Variants in MITF observed in about 807,000 individuals in gnomAD.
The protein encoded by MITF is melanocyte inducing transcription factor.
Under a neutral mutation model 60.5 loss-of-function variants are expected in MITF, and 17 were observed. The ratio of observed to expected loss-of-function variants is 0.28; its 90% CI spans 0.19 to 0.42. The LOEUF is 0.42. Ranked by LOEUF, MITF falls within the 10% of genes least tolerant of loss-of-function variation. MITF has a pLI of 1.00. For synonymous variants in MITF, 260 were observed against 248.5 expected, an observed-to-expected ratio of 1.05 and a Z score of -0.43; for missense variants, 622 against 683.5, an observed-to-expected ratio of 0.91 and a Z score of 1.00.
At chr3:69,789,059 A>G (rs2062697819) in intron 1 of MITF, among the ~76,000 whole-genome samples, 1 of 152,198 alleles carries the variant, frequency 6.6e-6, no homozygotes, top group Admixed American at 6.5e-5. Flanking sequence ...ATGTAACACC[A>G]AAAGCACAGG....
At chr3:69,751,316 G>A (rs1289944848) in intron 1 of MITF, among the ~76,000 whole-genome samples, 4 of 152,208 alleles carry the variant, frequency 2.6e-5, no homozygotes. Context: ...TGGAATGGAT[G>A]TGACCAGCCA....
At chr3:69,839,436 G>T (rs758491130) in intron 1 of MITF, among the ~76,000 whole-genome samples, 1 of 142,656 alleles carries the variant, frequency 7.0e-6, no homozygotes, top group Non-Finnish European at 1.5e-5. Flanking sequence ...TTTTCATTTT[G>T]TGATTACTTT....
chr3:69,938,714 A>G, intron 3 of MITF: 1 of 1,307,518 alleles, frequency 7.6e-7, no homozygotes, highest in Non-Finnish European at 9.7e-7. Flanking sequence ...AATACCTGAG[A>G]GCTGTGATTT....
chr3:69,746,136 A>G (rs1703717686), intron 1 of MITF, among the ~76,000 whole-genome samples: 1 of 152,190 alleles, frequency 6.6e-6, no homozygotes, highest in African/African-American at 2.4e-5. Context: ...TGGGATTCTC[A>G]GTCTTGGTTT....
At chr3:69,822,332 T>A (rs2063288750) in intron 1 of MITF, among the ~76,000 whole-genome samples, 1 of 152,242 alleles carries the variant, frequency 6.6e-6, no homozygotes, top group Non-Finnish European at 1.5e-5. Flanking sequence ...CAAAGCTTGC[T>A]GGCCCCTGGT....
chr3:69,783,362 T>C (rs2062597000), intron 1 of MITF, among the ~76,000 whole-genome samples: 1 of 152,154 alleles, frequency 6.6e-6, no homozygotes, highest in South Asian at 2.1e-4. Context: ...TCTTGACTGA[T>C]AGTTTTTGTT....
intron 1 of MITF, among the ~76,000 whole-genome samples, chr3:69,752,732 G>C (rs898184170): frequency 1.3e-5 from 2 of 152,160 alleles, no homozygotes; most frequent in Non-Finnish European, 2.9e-5. Context: ...CCATGTAGTA[G>C]AAAAGAAAAG....
chr3:69,807,027 G>T (rs370537265), intron 1 of MITF, among the ~76,000 whole-genome samples: 8 of 152,146 alleles, frequency 5.3e-5, no homozygotes, highest in African/African-American at 1.7e-4. Flanking sequence ...TCTTGGCTGC[G>T]TAGATTGTTC....
At chr3:69,802,524 G>C (rs2106956172) in intron 1 of MITF, among the ~76,000 whole-genome samples, 1 of 152,096 alleles carries the variant, frequency 6.6e-6, no homozygotes, top group African/African-American at 2.4e-5. Context: ...GGTGTCATGG[G>C]GTGGGTGACA....
chr3:69,885,279 C>T (rs1432781487), intron 2 of MITF, among the ~76,000 whole-genome samples: 1 of 152,094 alleles, frequency 6.6e-6, no homozygotes, highest in African/African-American at 2.4e-5. Flanking sequence ...AGAGAAGAGA[C>T]ACCTGTTTGG....
intron 2 of MITF, among the ~76,000 whole-genome samples, chr3:69,926,309 A>G (rs1218472510): frequency 6.6e-6 from 1 of 152,168 alleles, no homozygotes; most frequent in African/African-American, 2.4e-5. Flanking sequence ...TGTTATTAGG[A>G]GATGGCTGCT....
At chr3:69,776,032 TA>T (rs1032724712) in intron 1 of MITF, among the ~76,000 whole-genome samples, 6 of 152,194 alleles carry the variant, frequency 3.9e-5, no homozygotes, top group African/African-American at 1.2e-4. Context: ...CACCCTAAAT[TA>T]TATGAACTGA....
At chr3:69,898,543 A>G (rs921329281) in intron 2 of MITF, among the ~76,000 whole-genome samples, 1 of 152,210 alleles carries the variant, frequency 6.6e-6, no homozygotes, top group Non-Finnish European at 1.5e-5. Flanking sequence ...GTGAGAGAAG[A>G]TGTGATCCTT....
At position 69,959,188 on chromosome 3, in the gene MITF, A is replaced by G. The variant is rs1440978303; in HGVS notation, c.1032-85A>G. 3.3e-6 allele frequency: 5 copies of G among 1,507,828 alleles called. No homozygotes were observed. The African/African-American group carries it at 5.7e-5, about 17-fold the overall frequency. The allele number at this position is 1,507,828 out of a possible 1,614,324, so 93.4% of individuals were successfully genotyped here. A position where few individuals can be genotyped will look rare whatever the true frequency, so the allele number is the denominator to read the frequency against. On this transcript the variant is annotated intron_variant, in intron 8 of 9. Coordinates refer to ENST00000352241, the MANE Select transcript of MITF (RefSeq NM_001354604.2). ...AATAAAAAAAAATTTTAAAAAGTTC[A>G]AAAAGAAATGGAGTGCTTTGAATAT...
intron 2 of MITF, among the ~76,000 whole-genome samples, chr3:69,881,928 C>G (rs1433264242): frequency 6.6e-6 from 1 of 152,024 alleles, no homozygotes; most frequent in Admixed American, 6.6e-5. Context: ...TAGATGTATA[C>G]AATTAGTCAC....
chr3:69,884,554 C>T (rs1376720827), intron 2 of MITF, among the ~76,000 whole-genome samples: 1 of 152,148 alleles, frequency 6.6e-6, no homozygotes, highest in African/African-American at 2.4e-5. Flanking sequence ...TACCAGCTTG[C>T]ACGGCACTGA....
chr3:69,807,717 C>T (rs2063032371), intron 1 of MITF, among the ~76,000 whole-genome samples: 1 of 152,212 alleles, frequency 6.6e-6, no homozygotes, highest in Non-Finnish European at 1.5e-5. Context: ...GTTCTTTAAA[C>T]AGCCTTTGAG....
chr3:69,838,813 C>T (rs2063579732), intron 1 of MITF, among the ~76,000 whole-genome samples: 1 of 152,118 alleles, frequency 6.6e-6, no homozygotes, highest in South Asian at 2.1e-4. Context: ...CTTTGCCTTA[C>T]CTCCCCCTAA....
At chr3:69,778,141 A>G (rs1316773142) in intron 1 of MITF, among the ~76,000 whole-genome samples, 2 of 152,092 alleles carry the variant, frequency 1.3e-5, no homozygotes, top group Non-Finnish European at 2.9e-5. Flanking sequence ...GTGGTAAGAG[A>G]GAGCAAGGAG....
Sources: gnomAD v4.1 joint callset for allele counts (sites outside exome capture counted in the v4.1 genomes callset) on GRCh38, gnomAD v4.1.1 for gene constraint, MANE v1.5 for transcripts, NCBI Gene and HGNC (gene_info 2026-07-23, HGNC 2026-07-21) for gene names.